SSRP1: variants seen among roughly 807,000 people sequenced by gnomAD.
SSRP1 encodes FACT complex subunit SSRP1.
Under a neutral mutation model 84.4 loss-of-function variants are expected in SSRP1, and 21 were observed. The ratio of observed to expected loss-of-function variants is 0.25; its 90% CI spans 0.18 to 0.36. The LOEUF is 0.36. Among genes scored for constraint, SSRP1 ranks in the 10% least tolerant of loss-of-function variants. The pLI is 1.00. For synonymous variants in SSRP1, 319 were observed against 318.3 expected (o/e 1.00, Z -0.02); for missense variants, 519 against 900.8 (o/e 0.58, Z 5.43).
In SSRP1 at chr11:57,327,846, G is replaced by A; in HGVS notation, c.1648C>T (p.Pro550Ser). ...AGCCACAGCATGTATGCAGACATGG[G>A]CCTCTTGGGGGCATTGGGGTCTTTG... ...KGKDPNAPKR[P>S]MSAYMLWLNA... Residue 550 changes from proline to serine, a missense_variant, in exon 14 of 17, where the codon CCC becomes TCC. This residue lies in a region of SSRP1 where 197 missense variants were observed against 265.0 expected (regional missense o/e 0.74). Transcript: ENST00000278412. 1.9e-6 allele frequency: 3 copies of A among 1,614,086 alleles called. No individual in the cohort carries two copies. Among genetic ancestry groups the A allele is most frequent in the Non-Finnish European group, 2.5e-6 (3 of 1,180,016 alleles).
Position 57,326,448 on chromosome 11 carries a change from G to T in SSRP1, c.2089C>A (p.Pro697Thr), listed in dbSNP as rs1329631918. The T allele has an allele frequency of 2.5e-6, 4 of 1,614,026 alleles. No individual in the cohort carries two copies. The highest frequency in any genetic ancestry group is 3.4e-6 in the Non-Finnish European group (4 of 1,180,032). The change falls in exon 17 of 17, where the codon CCC (proline) becomes ACC (threonine). Residue 697 changes from proline to threonine, a missense_variant. This residue lies in a region of SSRP1 where 197 missense variants were observed against 265.0 expected (regional missense o/e 0.74). Transcript: ENST00000278412. ...GACGCTGAGTCCTCTGAGCTGGGGGGAGTACTGGCTAGTTCTTCTTCTTCA... is the reference window on the plus strand; with the variant it reads ...GACGCTGAGTCCTCTGAGCTGGGGGTAGTACTGGCTAGTTCTTCTTCTTCA... ...DSEEEELASTPPSSEDSASGS... is the reference protein window; with the variant it reads ...DSEEEELASTTPSSEDSASGS...
intron 15 of SSRP1, 66 bp from the exon 16 acceptor site, chr11:57,326,955 C>G (rs1181410923): frequency 6.8e-7 from 1 of 1,473,982 alleles, no homozygotes; most frequent in Non-Finnish European, 9.0e-7. Flanking sequence ...CAAACCTCTC[C>G]CAGCTTTAAC....
Position 57,326,373 on chromosome 11 carries a change from A to C in SSRP1, c.*34T>G, listed in dbSNP as rs745632305. On this transcript the variant is annotated 3_prime_UTR_variant, in exon 17 of 17. Coordinates refer to ENST00000278412, the MANE Select transcript of SSRP1 (RefSeq NM_003146.3). ...TATGGGTGGGGAGTCGGGGGGTGTG[A>C]GAAGGCAAGCGCAAAGAGAACCTTC... 2 of 1,609,032 alleles carry C rather than the reference A, an allele frequency of 1.2e-6. No individual in the cohort carries two copies. Among genetic ancestry groups the C allele is most frequent in the South Asian group, 1.1e-5 (1 of 90,980 alleles).
Position 57,330,312 on chromosome 11 carries a change from C to T in SSRP1, c.1414G>A (p.Asp472Asn), listed in dbSNP as rs756136882. ...IREENANDSS[D>N]DSGEETDESF... ...CCACCGGTTTCTTCTCCTGAGTCAT[C>T]GCTGCTGTCATTGGCATTCTCCTCC... is the stretch of plus-strand genomic sequence containing the variant. Residue 472 changes from aspartate (D) to asparagine (N), a missense_variant, in exon 11 of 17, where the codon GAT (aspartate) becomes AAT (asparagine). Around this residue, in one of 7 missense-constraint regions of SSRP1, gnomAD observed 24 missense variants for 68.2 expected, o/e 0.35. Transcript: ENST00000278412. This position sits in a 1 kb window ranked among gnomAD's most constrained non-coding sequence, Gnocchi z 4.0. 16 of 1,614,212 alleles carry T rather than the reference C, an allele frequency of 9.9e-6. No individual in the cohort carries two copies. Among genetic ancestry groups the T allele is most frequent in the South Asian group, 4.4e-5 (4 of 91,084 alleles).
chr11:57,326,621 C>A, intron 16 of SSRP1, 82 bp downstream of exon 16: 1 of 1,584,940 alleles, frequency 6.3e-7, no homozygotes, highest in Admixed American at 1.7e-5. Context: ...CACTCCAACT[C>A]ATTACTCTTA....
chr11:57,328,394 C>A lies in SSRP1; in HGVS notation c.1514G>T (p.Ser505Ile). 6.2e-7 allele frequency: 1 copy of A among 1,614,236 alleles called. No homozygotes were observed. Among genetic ancestry groups the A allele is most frequent in the Non-Finnish European group, 8.5e-7 (1 of 1,180,040 alleles). ...FDSNASASSS[S>I]NEGDSDRDEK... ...ATCCCGGTCACTGTCACCCTCATTA[C>A]TGGAGGAGCTGGCAGAGGCGTTGCT... is the stretch of plus-strand genomic sequence containing the variant. Residue 505 changes from serine (S) to isoleucine (I), a missense_variant, in exon 13 of 17, where the codon AGT (serine) becomes ATT (isoleucine). This residue lies in a region of SSRP1 where 197 missense variants were observed against 265.0 expected (regional missense o/e 0.74). Transcript: ENST00000278412.
intron 13 of SSRP1, chr11:57,328,094 A>C: frequency 1.0e-6 from 1 of 985,652 alleles, no homozygotes; most frequent in Non-Finnish European, 1.5e-6. Flanking sequence ...CCTAATTCAG[A>C]CCTTCCAGAA....
At chr11:57,334,764 G>C (rs1340179712) in intron 2 of SSRP1, 116 bp from the exon 3 acceptor site, 16 of 1,255,096 alleles carry the variant, frequency 1.3e-5, no homozygotes, top group Non-Finnish European at 1.3e-5. Context: ...ATCAATGCAG[G>C]AGCAACAGCT....
chr11:57,334,946 A>G, intron 2 of SSRP1, 122 bp downstream of exon 2: 1 of 1,153,602 alleles, frequency 8.7e-7, no homozygotes, highest in East Asian at 2.3e-5. Context: ...GACACTAGGT[A>G]CACATTATAC....
In SSRP1 at chr11:57,334,444, T is replaced by C. The variant is rs758717530; in HGVS notation, c.240+19A>G. 1.9e-6 allele frequency: 3 copies of C among 1,611,946 alleles called. No individual in the cohort carries two copies. In the South Asian group the frequency reaches 3.3e-5, roughly 18 times the overall value. ...GAAGATGCAGTAAAAAGGAGGCTTA[T>C]AGCCATGGGACATCTCACCGATTCT... is the stretch of plus-strand genomic sequence containing the variant. On this transcript the variant is annotated intron_variant, in intron 3 of 16. Coordinates refer to ENST00000278412, the MANE Select transcript of SSRP1 (RefSeq NM_003146.3).
intron 13 of SSRP1, 197 bp from the exon 14 acceptor site, chr11:57,328,079 C>T (rs1415688435): frequency 2.1e-6 from 2 of 947,706 alleles, no homozygotes; most frequent in Non-Finnish European, 3.1e-6. Context: ...GACAGAAGCC[C>T]ATCTCCTAAT....
At chr11:57,334,696 C>A in intron 2 of SSRP1, 48 bp from the exon 3 acceptor site, 2 of 1,598,864 alleles carry the variant, frequency 1.3e-6, no homozygotes, top group East Asian at 2.2e-5. Flanking sequence ...CACAGCATGT[C>A]CTGGGTTCTA....
At position 57,326,101 on chromosome 11, in the gene SSRP1, C is replaced by G. The variant is rs1301951348; in HGVS notation, c.*306G>C. On this transcript the variant is annotated 3_prime_UTR_variant, in exon 17 of 17. Transcript: ENST00000278412. Reference sequence around the variant, plus strand: ...GGCCTGGCCTCACATGACCCCTGCTCCAGCAACTTGAACAGGACAAGCAGC... The same window carrying G: ...GGCCTGGCCTCACATGACCCCTGCTGCAGCAACTTGAACAGGACAAGCAGC... 5 of 410,992 alleles carry G rather than the reference C, an allele frequency of 1.2e-5. No individual in the cohort carries two copies. The highest frequency in any genetic ancestry group is 7.8e-5 in the Admixed American group (2 of 25,774). The allele number at this position is 410,992 out of a possible 1,614,324, so 25.5% of individuals were successfully genotyped here.
At chr11:57,331,015 A>G in intron 9 of SSRP1, 88 bp from the exon 10 acceptor site, 1 of 1,452,126 alleles carries the variant, frequency 6.9e-7, no homozygotes, top group Non-Finnish European at 9.6e-7. Context: ...GAGCTGGGGT[A>G]GACTGTGGAG....
At chr11:57,334,175 T>A (rs1483381003) in intron 3 of SSRP1, among the ~76,000 whole-genome samples, 1 of 151,968 alleles carries the variant, frequency 6.6e-6, no homozygotes, top group Non-Finnish European at 1.5e-5. Context: ...AAAACACACA[T>A]ACACACAAAG....
intron 2 of SSRP1, 133 bp from the exon 3 acceptor site, chr11:57,334,781 G>T: frequency 9.1e-7 from 1 of 1,094,870 alleles, no homozygotes; most frequent in Non-Finnish European, 1.3e-6. Flanking sequence ...AGCTGAGGGT[G>T]CCAAGGAGTC....
chr11:57,334,743 C>CTG, intron 2 of SSRP1, 95 bp from the exon 3 acceptor site: 1 of 1,444,580 alleles, frequency 6.9e-7, no homozygotes, highest in African/African-American at 1.4e-5. Flanking sequence ...TGCAAGTGGA[C>CTG]TGGCCAGATT....
chr11:57,335,207 GA>G lies in SSRP1; in HGVS notation c.-87del. On this transcript the variant is annotated 5_prime_UTR_variant, in exon 2 of 17. Coordinates refer to ENST00000278412, the MANE Select transcript of SSRP1 (RefSeq NM_003146.3). This position sits in a 1 kb window ranked among gnomAD's most constrained non-coding sequence, Gnocchi z 4.6. ...AACTGGGAGCTGGGCCCCAACTCCT[GA>G]GTGGGTGTGCGGATGCTCAGCAGGT... The G allele has an allele frequency of 7.2e-7, 1 of 1,388,768 alleles. No individual in the cohort carries two copies. The highest frequency in any genetic ancestry group is 1.4e-5 in the African/African-American group (1 of 70,456). 86.0% of individuals were successfully genotyped at this position (1,388,768 alleles called of 1,614,324 possible). A position where few individuals can be genotyped will look rare whatever the true frequency, so the allele number is the denominator to read the frequency against.
chr11:57,334,711 T>A, intron 2 of SSRP1, 63 bp from the exon 3 acceptor site: 1 of 1,569,002 alleles, frequency 6.4e-7, no homozygotes, highest in Non-Finnish European at 8.7e-7. Flanking sequence ...GTTCTACAGC[T>A]CTACCTAACA....
Sources: allele counts gnomAD v4.1 joint callset (sites outside exome capture counted in the v4.1 genomes callset), GRCh38; gene constraint gnomAD v4.1.1; regional missense constraint gnomAD v4.1.1; non-coding constraint Gnocchi (gnomAD v3.1); transcripts MANE v1.5; gene names NCBI Gene and HGNC (gene_info 2026-07-23, HGNC 2026-07-21).